DVL1: variants seen among roughly 807,000 people sequenced by gnomAD.
DVL1 encodes the protein segment polarity protein dishevelled homolog DVL-1.
Under a neutral mutation model 65.0 loss-of-function variants are expected in DVL1, and 49 were observed. The observed-to-expected ratio is 0.75, with a 90% CI of 0.60 to 0.96. DVL1 has a LOEUF of 0.96. Among genes scored for constraint, DVL1 ranks in the 40% least tolerant of loss-of-function variants. DVL1 has a pLI of 0.00. For missense variants in DVL1, 1,197 were observed against 1,045.4 expected (o/e 1.15, Z -2.00); for synonymous variants, 608 against 433.9 (o/e 1.40, Z -4.99).
At chr1:1,340,988 A>G (rs144719660) in intron 5 of DVL1, among the ~76,000 whole-genome samples, 1,856 of 140,960 alleles carry the variant, frequency 0.013, 11 homozygotes, top group Non-Finnish European at 0.017. Flanking sequence ...ACACATGCAC[A>G]CCTGCATACT....
chr1:1,349,342 C>A lies in DVL1; in HGVS notation c.-277G>T, dbSNP rs1643979760. On this transcript the variant is annotated 5_prime_UTR_variant, in exon 1 of 15. Coordinates refer to ENST00000378888, the MANE Select transcript of DVL1 (RefSeq NM_001330311.2). This position sits in a 1 kb window ranked among gnomAD's most constrained non-coding sequence, Gnocchi z 4.1. ...CGCAGCACGGAGGGCGCGCTCAGCC[C>A]CGCCGCCCTCCCGCCTGCGCCCCTC... 2.1e-5 allele frequency: 3 copies of A among 144,482 alleles called. No individual in the cohort carries two copies. The highest frequency in any genetic ancestry group is 2.0e-4 in the Admixed American group (3 of 14,660). 9.0% of individuals were successfully genotyped at this position (144,482 alleles called of 1,614,324 possible).
At chr1:1,336,542 G>A (rs757845230) in intron 14 of DVL1, 27 bp from the exon 15 acceptor site, 58 of 1,487,486 alleles carry the variant, frequency 3.9e-5, no homozygotes, top group Non-Finnish European at 5.0e-5. Context: ...GATGGGGAAG[G>A]AGCCTGTCAG....
At chr1:1,337,160 G>C (rs1295235640) in intron 14 of DVL1, 1 of 920,016 alleles carries the variant, frequency 1.1e-6, no homozygotes, top group Admixed American at 5.8e-5. Context: ...GGGCTGGGCG[G>C]GGCTGAAGTG....
rs748424414 is a variant in DVL1 at position 1,336,353 on chromosome 1, C to T, written c.1877G>A (p.Arg626His). ...WRERPAGQLS[R>H]GSSPRSQASA... ...GGCCTGACTGCGTGGGCTGCTGCCACGGCTGAGCTGGCCGGCCGGACGCTC... is the reference window on the plus strand; with the variant it reads ...GGCCTGACTGCGTGGGCTGCTGCCATGGCTGAGCTGGCCGGCCGGACGCTC... Residue 626 changes from arginine to histidine, a missense_variant, in exon 15 of 15, where the codon CGT becomes CAT. Transcript: ENST00000378888. 63 of 1,594,828 alleles carry T rather than the reference C, an allele frequency of 4.0e-5. No individual in the cohort carries two copies. Among genetic ancestry groups the T allele is most frequent in the South Asian group, 2.9e-4 (26 of 90,460 alleles).
At chr1:1,337,085 G>A (rs936546207) in intron 14 of DVL1, 53 of 988,008 alleles carry the variant, frequency 5.4e-5, no homozygotes, top group East Asian at 4.5e-4. Context: ...GGGATAGCAC[G>A]AGTTACACGC....
chr1:1,336,393 C>T lies in DVL1; in HGVS notation c.1837G>A (p.Gly613Arg). The T allele has an allele frequency of 6.3e-7, 1 of 1,599,162 alleles. No individual in the cohort carries two copies. The highest frequency in any genetic ancestry group is 8.5e-7 in the Non-Finnish European group (1 of 1,178,536). ...ESDHTAPSGV[G>R]SSWRERPAGQ... ...GCCGGACGCTCTCGCCAGCTGCTCC[C>T]CACCCCACTCGGTGCCGTGTGATCC... Residue 613 changes from glycine (G) to arginine (R), a missense_variant, in exon 15 of 15, where the codon GGG (glycine) becomes AGG (arginine). Transcript: ENST00000378888.
At chr1:1,337,055 G>A (rs1403955941) in intron 14 of DVL1, 2 of 988,458 alleles carry the variant, frequency 2.0e-6, no homozygotes, top group East Asian at 2.3e-4. Flanking sequence ...TCAGTCTAAG[G>A]CTTGTTTAGC....
chr1:1,346,162 A>C (rs954183904), intron 1 of DVL1, among the ~76,000 whole-genome samples: 1 of 152,138 alleles, frequency 6.6e-6, no homozygotes, highest in African/African-American at 2.4e-5. Flanking sequence ...CAGGCCAGGC[A>C]GAGCCTCCCC....
chr1:1,341,918 T>C (rs1643844898), intron 4 of DVL1, 113 bp from the exon 5 acceptor site: 3 of 1,467,088 alleles, frequency 2.0e-6, no homozygotes, highest in East Asian at 5.0e-5. Flanking sequence ...AGCTCAACTG[T>C]AGGCTCGCTG....
intron 14 of DVL1, among the ~76,000 whole-genome samples, chr1:1,336,778 G>A (rs537339370): frequency 2.6e-4 from 39 of 152,314 alleles, no homozygotes; most frequent in Non-Finnish European, 4.0e-4. Flanking sequence ...CCCGATGCTT[G>A]AGCTGAGGGC....
chr1:1,338,098 G>A lies in DVL1; in HGVS notation c.1593C>T (p.Pro531=), dbSNP rs1484331374. Residue 531 remains proline, a synonymous_variant, in exon 14 of 15, where the codon CCC becomes CCT. Transcript: ENST00000378888. ...AGGGGTAGCCCTGACCCAGAGGCCAGGGGGCAGCCGGGTGGGGCAGCGGGG... is the reference window on the plus strand; with the variant it reads ...AGGGGTAGCCCTGACCCAGAGGCCAAGGGGCAGCCGGGTGGGGCAGCGGGG... ...TLAPLPHPAA[P]WPLGQGYPYQ... is the part of the protein sequence containing the mutation. 1 of 1,609,678 alleles carries A rather than the reference G, an allele frequency of 6.2e-7. No homozygotes were observed. Among genetic ancestry groups the A allele is most frequent in the Non-Finnish European group, 8.5e-7 (1 of 1,178,646 alleles).
At chr1:1,338,764 G>A (rs998232685) in intron 11 of DVL1, 111 bp from the exon 12 acceptor site, 24 of 1,461,014 alleles carry the variant, frequency 1.6e-5, no homozygotes, top group Non-Finnish European at 2.1e-5. Flanking sequence ...GGCGCAAGCT[G>A]GACGGTGCGT....
At chr1:1,346,509 A>G (rs372642596) in intron 1 of DVL1, among the ~76,000 whole-genome samples, 3 of 152,112 alleles carry the variant, frequency 2.0e-5, no homozygotes, top group East Asian at 3.9e-4. Context: ...ACCCTCCCCA[A>G]TTCTGCCCTC....
chr1:1,340,946 C>T (rs1162719941), intron 5 of DVL1, among the ~76,000 whole-genome samples: 7 of 148,988 alleles, frequency 4.7e-5, no homozygotes, highest in Non-Finnish European at 8.9e-5. Flanking sequence ...CCTGCACACA[C>T]GCACCCCTGC....
At position 1,338,189 on chromosome 1, in the gene DVL1, G is replaced by A. The variant is rs191759160; in HGVS notation, c.1508-6C>T. The stretch of plus-strand genomic sequence containing the variant: ...GAGGTTCAGGGTGGCGAGATCTGGC[G>A]GGGGAGGGTAGGTGAGGGCCGCGGA... On this transcript the variant is annotated splice_polypyrimidine_tract_variant and splice_region_variant and intron_variant, in intron 13 of 14. Transcript: ENST00000378888. The A allele has an allele frequency of 3.8e-5, 61 of 1,600,436 alleles. No homozygotes were observed. The highest frequency in any genetic ancestry group is 2.8e-4 in the African/African-American group (21 of 74,856).
Position 1,338,012 on chromosome 1 carries a change from T to G in DVL1, c.1679A>C (p.Tyr560Ser). Residue 560 changes from tyrosine to serine, a missense_variant, in exon 14 of 15, where the codon TAT becomes TCT. Physicochemically the swap from Tyr to Ser is moderately radical, Grantham distance 144. Transcript: ENST00000378888. ...PPAYQDPGFSYGSGSTGSQQS... is the reference protein window; with the variant it reads ...PPAYQDPGFSSGSGSTGSQQS... ...CTGACTCCCGGTGCTGCCGCTGCCATAGCTAAAGCCCGGGTCCTGGTAGGC... is the reference window on the plus strand; with the variant it reads ...CTGACTCCCGGTGCTGCCGCTGCCAGAGCTAAAGCCCGGGTCCTGGTAGGC... The G allele has an allele frequency of 6.2e-7, 1 of 1,611,892 alleles. No homozygotes were observed. Among genetic ancestry groups the G allele is most frequent in the South Asian group, 1.1e-5 (1 of 91,048 alleles).
At position 1,338,541 on chromosome 1, in the gene DVL1, G is replaced by T. The variant is rs144876679; in HGVS notation, c.1320C>A (p.Thr440=). The T allele has an allele frequency of 1.1e-5, 18 of 1,612,496 alleles. No individual in the cohort carries two copies. Among genetic ancestry groups the T allele is most frequent in the Admixed American group, 1.0e-4 (6 of 59,992 alleles). ...ACTCACCGATGACGGCATTGGCGAT[G>T]GTGATCTTGAGCCACATGCGGTCGC... The part of the protein sequence containing the change: ...EIRDRMWLKI[T]IANAVIGADV... Residue 440 remains threonine (T), a synonymous_variant, in exon 12 of 15, where the codon ACC becomes ACA. Transcript: ENST00000378888.
intron 3 of DVL1, 82 bp from the exon 4 acceptor site, chr1:1,342,238 T>C: frequency 6.7e-7 from 1 of 1,500,318 alleles, no homozygotes; most frequent in Non-Finnish European, 8.9e-7. Flanking sequence ...CCCTCGCCTG[T>C]GGGACCCCAG....
At chr1:1,337,717 C>T (rs1643625331) in intron 14 of DVL1, 2 of 680,172 alleles carry the variant, frequency 2.9e-6, no homozygotes, top group South Asian at 3.0e-5. Context: ...TGAGACGCTT[C>T]CCTGTCCTCC....
Sources: gnomAD v4.1 joint callset for allele counts (sites outside exome capture counted in the v4.1 genomes callset) on GRCh38, gnomAD v4.1.1 for gene constraint, Gnocchi (gnomAD v3.1) non-coding constraint, MANE v1.5 for transcripts, NCBI Gene and HGNC (gene_info 2026-07-23, HGNC 2026-07-21) for gene names.